COL4A3: variants seen among roughly 807,000 people sequenced by gnomAD.
COL4A3 encodes collagen alpha-3(IV) chain.
COL4A3 carries 135 observed loss-of-function variants against 217.4 expected under a neutral mutation model. The observed-to-expected ratio is 0.62, with a 90% confidence interval of 0.54 to 0.72. The LOEUF (loss-of-function observed/expected upper bound fraction) is 0.72. Among genes scored for constraint, COL4A3 ranks in the 30% least tolerant of loss-of-function variants. COL4A3 has a pLI of 0.00. For missense variants in COL4A3, 1,868 were observed against 2,119.9 expected, an observed-to-expected ratio of 0.88 and a Z score of 2.33; for synonymous variants, 690 against 736.3, an observed-to-expected ratio of 0.94 and a Z score of 1.02.
chr2:227,302,193 C>T (rs377218372), intron 43 of COL4A3, among the ~76,000 whole-genome samples: 1 of 152,106 alleles, frequency 6.6e-6, no homozygotes, highest in African/African-American at 2.4e-5. Flanking sequence ...TTATTGCATC[C>T]TTGTCAAATA....
chr2:227,259,911 A>C, intron 19 of COL4A3, 34 bp downstream of exon 19: 3 of 1,487,438 alleles, frequency 2.0e-6, no homozygotes, highest in Non-Finnish European at 2.8e-6. Context: ...GCATTTGCTG[A>C]ACATATTTCT....
chr2:227,226,266 G>A (rs886725318), intron 1 of COL4A3, among the ~76,000 whole-genome samples: 11 of 152,108 alleles, frequency 7.2e-5, no homozygotes, highest in African/African-American at 2.7e-4. Context: ...TGGACTAGAG[G>A]ATCTGCTGGG....
chr2:227,253,872 T>TA lies in COL4A3; in HGVS notation c.766-229dup, dbSNP rs375929929. On this transcript the variant is annotated intron_variant, in intron 13 of 51. Coordinates refer to ENST00000396578, the MANE Select transcript of COL4A3 (RefSeq NM_000091.5). The surrounding 1 kb of genome is among the most constrained non-coding windows in gnomAD (Gnocchi z 4.4). Reference sequence around the variant, plus strand: ...TTGGGCAACAGAGTGAGACTTCATTTAAAAAAAAAAACAACAAAAAAAAGA... The same window carrying TA: ...TTGGGCAACAGAGTGAGACTTCATTTAAAAAAAAAAAACAACAAAAAAAAGA... 0.023 allele frequency among the ~76,000 whole-genome samples: 3,410 copies of TA among 149,428 alleles called. 86 individuals are homozygous for TA. Among genetic ancestry groups the TA allele is most frequent in the African/African-American group, 0.067 (2,741 of 40,752 alleles).
At chr2:227,214,216 T>C (rs2067440196) in intron 1 of COL4A3, among the ~76,000 whole-genome samples, 1 of 152,204 alleles carries the variant, frequency 6.6e-6, no homozygotes, top group Non-Finnish European at 1.5e-5. Flanking sequence ...ACAATGTCTG[T>C]GTGGAGTCTA....
At chr2:227,292,786 T>G (rs1239910982) in intron 37 of COL4A3, among the ~76,000 whole-genome samples, 2 of 152,198 alleles carry the variant, frequency 1.3e-5, no homozygotes, top group African/African-American at 4.8e-5. Context: ...AATATCTATC[T>G]CCTTACTGGT....
chr2:227,212,742 G>C (rs769204614), intron 1 of COL4A3, among the ~76,000 whole-genome samples: 26 of 152,104 alleles, frequency 1.7e-4, no homozygotes, highest in Non-Finnish European at 3.5e-4. Flanking sequence ...ATTTTAGAAG[G>C]GTGCTTTACA....
intron 34 of COL4A3, among the ~76,000 whole-genome samples, chr2:227,288,165 C>T (rs1006301389): frequency 1.3e-5 from 2 of 151,656 alleles, no homozygotes; most frequent in African/African-American, 2.4e-5. Flanking sequence ...GGTGTGATCT[C>T]GGCTCACTGC....
At chr2:227,199,317 T>C (rs1044693589) in intron 1 of COL4A3, among the ~76,000 whole-genome samples, 2 of 152,208 alleles carry the variant, frequency 1.3e-5, no homozygotes, top group Admixed American at 6.5e-5. Context: ...TCCCCCAGGA[T>C]TGGGTCATTT....
At chr2:227,283,249 C>A (rs2106168447) in intron 32 of COL4A3, among the ~76,000 whole-genome samples, 1 of 152,232 alleles carries the variant, frequency 6.6e-6, no homozygotes, top group South Asian at 2.1e-4. Flanking sequence ...ATAAGGACCT[C>A]ACCGATCTCC....
At position 227,294,535 on chromosome 2, in the gene COL4A3, G is replaced by C; in HGVS notation, c.3383G>C (p.Gly1128Ala). 1.2e-6 allele frequency: 2 copies of C among 1,613,784 alleles called. No homozygotes were observed. The highest frequency in any genetic ancestry group is 1.7e-6 in the Non-Finnish European group (2 of 1,179,766). The stretch of plus-strand genomic sequence containing the variant: ...GATTTGGGTTTTAAAGGAATCAAAG[G>C]CCTCCTGGGCCCTCCAGGAATCAGA... ...HGDLGFKGIKGLLGPPGIRGP... is the reference protein window; with the variant it reads ...HGDLGFKGIKALLGPPGIRGP... Residue 1128 changes from glycine (G) to alanine (A), a missense_variant, in exon 39 of 52, where the codon GGC becomes GCC. By Grantham distance (60) the Gly-to-Ala change is moderately conservative. Coordinates refer to ENST00000396578, the MANE Select transcript of COL4A3 (RefSeq NM_000091.5).
intron 27 of COL4A3, among the ~76,000 whole-genome samples, chr2:227,276,897 A>G (rs2071599001): frequency 6.6e-6 from 1 of 152,264 alleles, no homozygotes; most frequent in African/African-American, 2.4e-5. Flanking sequence ...GGAGACTTAC[A>G]TAGTTCAAGA....
At chr2:227,260,120 T>C (rs746797045) in intron 19 of COL4A3, 3 of 656,654 alleles carry the variant, frequency 4.6e-6, no homozygotes, top group Admixed American at 3.7e-5. Flanking sequence ...AAATCTGTCA[T>C]GGAAACATTT....
At chr2:227,296,916 A>G (rs2073051798) in intron 41 of COL4A3, among the ~76,000 whole-genome samples, 1 of 152,202 alleles carries the variant, frequency 6.6e-6, no homozygotes, top group African/African-American at 2.4e-5. Context: ...TACTGCTGCT[A>G]GAATAACACA....
Position 227,290,814 on chromosome 2 carries a change from T to C in COL4A3, c.3138T>C (p.Ile1046=). 6.2e-7 allele frequency: 1 copy of C among 1,613,734 alleles called. No homozygotes were observed. The highest frequency in any genetic ancestry group is 8.5e-7 in the Non-Finnish European group (1 of 1,179,906). ...GRAGRPGLPG[I]HGLQGDKGEP... ...CAGGAAGACCAGGCCTCCCAGGTAT[T>C]CATGGTCTCCAGGGAGATAAGGGAG... Residue 1046 remains isoleucine, a synonymous_variant, in exon 37 of 52, where the codon ATT becomes ATC. Coordinates refer to ENST00000396578, the MANE Select transcript of COL4A3 (RefSeq NM_000091.5).
At chr2:227,311,739 C>T in intron 51 of COL4A3, 47 bp from the exon 52 acceptor site, 1 of 1,577,340 alleles carries the variant, frequency 6.3e-7, no homozygotes, top group Non-Finnish European at 8.7e-7. Flanking sequence ...CAAAAATTCC[C>T]TTTTATGCAT....
At chr2:227,280,764 G>C (rs1402897353) in intron 30 of COL4A3, 129 bp from the exon 31 acceptor site, 3 of 1,026,804 alleles carry the variant, frequency 2.9e-6, no homozygotes, top group Non-Finnish European at 4.5e-6. Flanking sequence ...CTCTAGAAAA[G>C]GCATATTAAT....
At chr2:227,274,000 G>A (rs1046734717) in intron 26 of COL4A3, among the ~76,000 whole-genome samples, 4 of 152,016 alleles carry the variant, frequency 2.6e-5, no homozygotes, top group African/African-American at 7.3e-5. Flanking sequence ...ACTTTGGGAG[G>A]CCAAGGTGGG....
intron 34 of COL4A3, among the ~76,000 whole-genome samples, chr2:227,286,806 A>C (rs1430508557): frequency 1.3e-5 from 2 of 152,250 alleles, no homozygotes; most frequent in African/African-American, 4.8e-5. Context: ...GTGCTTTGAG[A>C]AGTGAAACTT....
Position 227,280,492 on chromosome 2 carries a change from G to A in COL4A3, c.2276G>A (p.Gly759Glu). The change falls in exon 30 of 52, where the codon GGA becomes GAA. Residue 759 changes from glycine to glutamate, a missense_variant. Around this residue, in one of 2 missense-constraint regions of COL4A3, gnomAD observed 1,503 missense variants for 1,786.1 expected, o/e 0.84. Coordinates refer to ENST00000396578, the MANE Select transcript of COL4A3 (RefSeq NM_000091.5). ...GGACCAGGAACACCAGGTTTTCCAG[G>A]AGAAAGAGGCAATTCTGGGGAACAT... The part of the protein sequence containing the change: ...PGGPGTPGFP[G>E]ERGNSGEHGE... The A allele has an allele frequency of 6.2e-7, 1 of 1,614,124 alleles. No individual in the cohort carries two copies.
Sources: gnomAD v4.1 joint callset for allele counts (sites outside exome capture counted in the v4.1 genomes callset) on GRCh38, gnomAD v4.1.1 for gene constraint, gnomAD v4.1.1 regional missense constraint, Gnocchi (gnomAD v3.1) non-coding constraint, MANE v1.5 for transcripts, NCBI Gene and HGNC (gene_info 2026-07-23, HGNC 2026-07-21) for gene names.